The following VTI1A variants were observed in gnomAD, a reference collection of about 807,000 sequenced individuals.
VTI1A encodes vesicle transport through interaction with t-SNAREs homolog 1A.
Under a neutral mutation model 34.9 loss-of-function variants are expected in VTI1A, and 22 were observed. The observed-to-expected ratio is 0.63, with a 90% CI of 0.45 to 0.90. The LOEUF is 0.90. Among genes scored for constraint, VTI1A ranks in the 40% least tolerant of loss-of-function variants. The pLI, the probability that VTI1A is intolerant of heterozygous loss-of-function variation, is 0.00. For missense variants in VTI1A, 268 were observed against 275.6 expected, an observed-to-expected ratio of 0.97 and a Z score of 0.20; for synonymous variants, 87 against 97.3, an observed-to-expected ratio of 0.89 and a Z score of 0.62.
chr10:112,456,545 C>T (rs374434904), intron 1 of VTI1A, among the ~76,000 whole-genome samples: 104 of 152,156 alleles, frequency 6.8e-4, no homozygotes, highest in African/African-American at 2.4e-3. Flanking sequence ...AGGACCTCGC[C>T]TAGAAGGATA....
intron 7 of VTI1A, among the ~76,000 whole-genome samples, chr10:112,693,930 G>A (rs566719327): frequency 2.6e-5 from 4 of 152,094 alleles, no homozygotes; most frequent in Non-Finnish European, 5.9e-5. Context: ...GTTTTAATGC[G>A]AGGCTCGGTG....
chr10:112,534,404 C>T (rs571337771), intron 4 of VTI1A, among the ~76,000 whole-genome samples: 1 of 152,016 alleles, frequency 6.6e-6, no homozygotes, highest in East Asian at 1.9e-4. Context: ...GCCTATATTG[C>T]AATTTAAAAA....
At chr10:112,805,171 G>C (rs1251409856) in intron 7 of VTI1A, among the ~76,000 whole-genome samples, 5 of 152,046 alleles carry the variant, frequency 3.3e-5, no homozygotes, top group Non-Finnish European at 7.4e-5. Context: ...CCAGCCAGTA[G>C]CTTTTGGCTT....
intron 1 of VTI1A, 55 bp from the exon 2 acceptor site, chr10:112,460,469 A>G (rs570264297): frequency 6.6e-7 from 1 of 1,508,292 alleles, no homozygotes; most frequent in East Asian, 2.4e-5. Context: ...GAAGTTTTAA[A>G]ATATTAAATT....
chr10:112,659,539 G>T (rs1847367412), intron 5 of VTI1A, among the ~76,000 whole-genome samples: 1 of 152,172 alleles, frequency 6.6e-6, no homozygotes, highest in South Asian at 2.1e-4. Flanking sequence ...AGCAAACCAG[G>T]TAACTAAGGG....
chr10:112,762,399 G>T (rs1409679699), intron 7 of VTI1A, among the ~76,000 whole-genome samples: 1 of 152,174 alleles, frequency 6.6e-6, no homozygotes, highest in African/African-American at 2.4e-5. Flanking sequence ...GAAACACGAA[G>T]ACAGAGAGGT....
intron 7 of VTI1A, among the ~76,000 whole-genome samples, chr10:112,723,830 A>T (rs1238424413): frequency 6.6e-6 from 1 of 152,272 alleles, no homozygotes; most frequent in Admixed American, 6.5e-5. Context: ...CAGTAGCAAT[A>T]GTCCTCCATT....
intron 7 of VTI1A, among the ~76,000 whole-genome samples, chr10:112,775,980 G>A (rs1851944930): frequency 1.3e-5 from 2 of 152,094 alleles, no homozygotes; most frequent in Non-Finnish European, 1.5e-5. Context: ...CTCTGTCTTC[G>A]CACTCTAAGT....
intron 7 of VTI1A, among the ~76,000 whole-genome samples, chr10:112,730,479 T>G (rs997287794): frequency 1.3e-5 from 2 of 152,210 alleles, no homozygotes. Flanking sequence ...CCAGGATGCC[T>G]AAGTGTCACC....
chr10:112,700,912 T>A (rs1848987153), intron 7 of VTI1A, among the ~76,000 whole-genome samples: 1 of 152,232 alleles, frequency 6.6e-6, no homozygotes, highest in Non-Finnish European at 1.5e-5. Flanking sequence ...TGGCTAAATC[T>A]TCATGGAAAT....
intron 7 of VTI1A, among the ~76,000 whole-genome samples, chr10:112,811,882 A>G (rs571364068): frequency 5.1e-4 from 77 of 152,288 alleles, no homozygotes; most frequent in African/African-American, 1.8e-3. Context: ...TCCGGCTGCC[A>G]CACGCAGGAG....
chr10:112,599,155 A>T (rs926036122), intron 5 of VTI1A, among the ~76,000 whole-genome samples: 3 of 152,192 alleles, frequency 2.0e-5, no homozygotes, highest in African/African-American at 7.2e-5. Flanking sequence ...GCCACTGTGG[A>T]AAGCCAATGT....
intron 3 of VTI1A, among the ~76,000 whole-genome samples, chr10:112,524,649 A>C (rs1850154866): frequency 6.6e-6 from 1 of 152,176 alleles, no homozygotes; most frequent in Non-Finnish European, 1.5e-5. Flanking sequence ...AGGGATACAC[A>C]TTTATAATTT....
At chr10:112,542,825 C>G (rs1850917860) in intron 5 of VTI1A, among the ~76,000 whole-genome samples, 1 of 152,134 alleles carries the variant, frequency 6.6e-6, no homozygotes, top group Non-Finnish European at 1.5e-5. Context: ...TATCCCTCCC[C>G]ACTCTCCCCA....
chr10:112,541,833 C>T (rs1359707103), intron 5 of VTI1A, among the ~76,000 whole-genome samples: 1 of 152,154 alleles, frequency 6.6e-6, no homozygotes, highest in Non-Finnish European at 1.5e-5. Flanking sequence ...AGTTTAATAC[C>T]AGTCAGGTTT....
chr10:112,647,910 C>CA (rs1846866908), intron 5 of VTI1A, among the ~76,000 whole-genome samples: 1 of 152,162 alleles, frequency 6.6e-6, no homozygotes, highest in Non-Finnish European at 1.5e-5. Context: ...GCTGGGACTA[C>CA]AAGCACATGC....
intron 3 of VTI1A, among the ~76,000 whole-genome samples, chr10:112,478,712 T>C (rs1366062995): frequency 6.6e-6 from 1 of 152,156 alleles, no homozygotes; most frequent in East Asian, 1.9e-4. Flanking sequence ...AAATATGATA[T>C]TACATATTAT....
chr10:112,552,168 C>A (rs891103449), intron 5 of VTI1A, among the ~76,000 whole-genome samples: 4 of 152,200 alleles, frequency 2.6e-5, no homozygotes, highest in Non-Finnish European at 5.9e-5. Flanking sequence ...ACTTTTACAT[C>A]TGTTAACTCA....
chr10:112,492,185 A>G (rs1167057077), intron 3 of VTI1A, among the ~76,000 whole-genome samples: 3 of 151,974 alleles, frequency 2.0e-5, no homozygotes, highest in Non-Finnish European at 4.4e-5. Context: ...TTTCCACCCC[A>G]CTTTCTTGTC....
Sources: gnomAD v4.1 joint callset for allele counts (sites outside exome capture counted in the v4.1 genomes callset) on GRCh38, gnomAD v4.1.1 for gene constraint, MANE v1.5 for transcripts, NCBI Gene and HGNC (gene_info 2026-07-23, HGNC 2026-07-21) for gene names.